RTEL1: variants seen among roughly 807,000 people sequenced by gnomAD.
RTEL1 encodes the protein regulator of telomere elongation helicase 1.
A neutral mutation model predicts 162.2 loss-of-function variants in RTEL1; 86 were observed. That is an observed-to-expected ratio of 0.53 (90% confidence interval 0.45 to 0.63). The LOEUF (loss-of-function observed/expected upper bound fraction) is 0.63, where lower values mean the gene tolerates loss of function less well. RTEL1 is among the 30% of genes least tolerant of loss of function. The pLI, the probability that RTEL1 is intolerant of heterozygous loss-of-function variation, is 0.00. For missense variants in RTEL1, 1,941 were observed against 1,750.2 expected (o/e 1.11, Z -1.95); for synonymous variants, 958 against 717.9 (o/e 1.33, Z -5.35).
rs1291271552 is a variant in RTEL1, at chr20:63,689,664, G to A, written c.2025+16G>A. 1.9e-6 allele frequency: 3 copies of A among 1,609,856 alleles called. No individual in the cohort carries two copies. In the Admixed American group the frequency reaches 5.0e-5, roughly 27 times the overall value. On this transcript the variant is annotated intron_variant, in intron 23 of 34. Transcript: ENST00000360203. ...TGGGGGCCAGGTGAGTTACAGCAGG[G>A]TGGGGCTGGGGTAAGGCGGTCTGGT...
intron 10 of RTEL1, among the ~76,000 whole-genome samples, chr20:63,675,052 C>T (rs577327341): frequency 1.1e-4 from 17 of 152,274 alleles, no homozygotes; most frequent in South Asian, 4.1e-4. Flanking sequence ...GGATCACAGG[C>T]GTGCACCACC....
intron 14 of RTEL1, among the ~76,000 whole-genome samples, chr20:63,684,782 T>A (rs2090554199): frequency 6.6e-6 from 1 of 152,074 alleles, no homozygotes; most frequent in Non-Finnish European, 1.5e-5. Context: ...CTCTTGTTCT[T>A]TTGAAACCTG....
rs544746517 is a variant in RTEL1 at position 63,692,664 on chromosome 20, G to A, written c.2653-141G>A. ...CGCAGCCCCTCCCTATGTCCATCCA[G>A]CCAGCCAGTTTCTCAGGCAGCAGCC... On this transcript the variant is annotated intron_variant, in intron 28 of 34. Transcript: ENST00000360203. 1.0e-5 allele frequency: 8 copies of A among 794,300 alleles called. No homozygotes were observed. The African/African-American group carries it at 1.2e-4, about 12-fold the overall frequency. 49.2% of individuals were successfully genotyped at this position (794,300 alleles called of 1,614,324 possible).
rs1343048746 is a variant in RTEL1, at chr20:63,672,280, G to T, written c.700-276G>T. 2.6e-5 allele frequency among the ~76,000 whole-genome samples: 4 copies of T among 152,196 alleles called. No homozygotes were observed. In the East Asian group the frequency reaches 7.7e-4, roughly 29 times the overall value. On this transcript the variant is annotated intron_variant, in intron 8 of 34. Coordinates refer to ENST00000360203, the MANE Select transcript of RTEL1 (RefSeq NM_001283009.2). The stretch of plus-strand genomic sequence containing the variant: ...TCTGGTCTGTGGCTTCCTGACTGCG[G>T]TGGCCGGGGGCTCCCAGGGCATCGT...
intron 34 of RTEL1, 23 bp from the exon 35 acceptor site, chr20:63,695,755 G>C: frequency 6.3e-7 from 1 of 1,588,652 alleles, no homozygotes; most frequent in South Asian, 1.1e-5. Context: ...GCAGACGTGT[G>C]CAGTGGGCCG....
Position 63,678,227 on chromosome 20 carries a change from C to T in RTEL1, c.959-41C>T, listed in dbSNP as rs757060695. The stretch of plus-strand genomic sequence containing the variant: ...GCCTCCTTGCAGCTGGGTGGGGCCT[C>T]CTCCTTGCGAGGAGGTGGGTGACAC... On this transcript the variant is annotated intron_variant, in intron 11 of 34. Coordinates refer to ENST00000360203, the MANE Select transcript of RTEL1 (RefSeq NM_001283009.2). The T allele has an allele frequency of 3.1e-6, 5 of 1,613,128 alleles. No individual in the cohort carries two copies. The South Asian group carries it at 3.3e-5, about 11-fold the overall frequency.
At position 63,684,888 on chromosome 20, in the gene RTEL1, T is replaced by C. The variant is rs113548943; in HGVS notation, c.1192-635T>C. On this transcript the variant is annotated intron_variant, in intron 14 of 34. Coordinates refer to ENST00000360203, the MANE Select transcript of RTEL1 (RefSeq NM_001283009.2). ...TTGACTAGAATGTGTTGAATTCCTG[T>C]TTTTTTTTTGAGTCAGGGTCTCTCT... Among the ~76,000 whole-genome samples, 1,446 of 146,442 alleles carry C rather than the reference T, an allele frequency of 9.9e-3. 11 individuals carry two copies. The highest frequency in any genetic ancestry group is 0.015 in the Non-Finnish European group (979 of 66,832).
chr20:63,667,042 T>C (rs1419477228), intron 7 of RTEL1, among the ~76,000 whole-genome samples: 1 of 151,032 alleles, frequency 6.6e-6, no homozygotes, highest in Non-Finnish European at 1.5e-5. Flanking sequence ...GGTTTCACCG[T>C]GTTAGCCAGG....
chr20:63,679,727 C>G (rs1601138024), intron 12 of RTEL1, 122 bp from the exon 13 acceptor site: 2 of 760,254 alleles, frequency 2.6e-6, no homozygotes, highest in East Asian at 5.1e-5. Flanking sequence ...TTCTTCTCGG[C>G]AGCTACATCT....
At chr20:63,689,702 G>C in intron 23 of RTEL1, 48 bp from the exon 24 acceptor site, 1 of 1,603,854 alleles carries the variant, frequency 6.2e-7, no homozygotes, top group Non-Finnish European at 8.5e-7. Context: ...CTGAGCCCCC[G>C]CCCCGTGGCC....
At position 63,674,023 on chromosome 20, in the gene RTEL1, G is replaced by C. The variant is rs1278146543; in HGVS notation, c.849G>C (p.Leu283=). Residue 283 remains leucine (L), a synonymous_variant, in exon 10 of 35, where the codon CTG becomes CTC. Coordinates refer to ENST00000360203, the MANE Select transcript of RTEL1 (RefSeq NM_001283009.2). ...GACTGGACGTCATAGACCAGGTGCT[G>C]GAGGAGCAGACCAAGGCAGCGCAGC... ...ASGLDVIDQV[L]EEQTKAAQQG... is the part of the protein sequence containing the mutation. 1.9e-6 allele frequency: 3 copies of C among 1,614,014 alleles called. No homozygotes were observed. Among genetic ancestry groups the C allele is most frequent in the Non-Finnish European group, 1.7e-6 (2 of 1,180,032 alleles).
At chr20:63,679,758 T>A (rs2090444119) in intron 12 of RTEL1, 91 bp from the exon 13 acceptor site, 1 of 970,696 alleles carries the variant, frequency 1.0e-6, no homozygotes, top group East Asian at 2.4e-5. Flanking sequence ...TCGTCCCCCC[T>A]CAGGCCCGAG....
intron 8 of RTEL1, among the ~76,000 whole-genome samples, chr20:63,671,354 C>T (rs987790034): frequency 5.9e-5 from 9 of 152,082 alleles, no homozygotes; most frequent in South Asian, 4.1e-4. Flanking sequence ...CCACCGCACC[C>T]GGCTGGACCT....
intron 8 of RTEL1, among the ~76,000 whole-genome samples, chr20:63,670,646 C>A (rs977367521): frequency 3.3e-5 from 5 of 152,146 alleles, no homozygotes; most frequent in African/African-American, 4.8e-5. Flanking sequence ...ACTCCACAAA[C>A]GTGTGGCAAA....
chr20:63,692,795 T>C lies in RTEL1; in HGVS notation c.2653-10T>C. 1 of 1,607,630 alleles carries C rather than the reference T, an allele frequency of 6.2e-7. No homozygotes were observed. The highest frequency in any genetic ancestry group is 8.5e-7 in the Non-Finnish European group (1 of 1,176,170). On this transcript the variant is annotated splice_polypyrimidine_tract_variant and intron_variant, in intron 28 of 34. Transcript: ENST00000360203. The stretch of plus-strand genomic sequence containing the variant: ...TGGCCCTGATGGAGCCTCGGGCCTG[T>C]GTCCTGCAGGAGGAGCCCGTGGCTG...
chr20:63,694,299 G>GGGCCGGCCCCCCC, intron 30 of RTEL1, 73 bp from the exon 31 acceptor site: 1 of 841,720 alleles, frequency 1.2e-6, no homozygotes. Context: ...TCCCTAGCCA[G>GGGCCGGCCCCCCC]CCCTGCCCCC....
intron 2 of RTEL1, among the ~76,000 whole-genome samples, chr20:63,660,160 C>G (rs542341527): frequency 1.3e-5 from 2 of 152,270 alleles, no homozygotes; most frequent in African/African-American, 4.8e-5. Context: ...GGTTTTATAC[C>G]GAAACATTCA....
rs573894443 is a variant in RTEL1 at position 63,681,438 on chromosome 20, C to G, written c.1191+719C>G. The G allele has an allele frequency of 9.8e-5, 97 of 985,294 alleles. No homozygotes were observed. In the African/African-American group the frequency reaches 1.6e-3, roughly 16 times the overall value. The allele number at this position is 985,294 out of a possible 1,614,324, so 61.0% of individuals were successfully genotyped here. A position where few individuals can be genotyped will look rare whatever the true frequency, so the allele number is the denominator to read the frequency against. On this transcript the variant is annotated intron_variant, in intron 14 of 34. Transcript: ENST00000360203. ...GGTGGCTGTGTGGAGCCCTGTGAGG[C>G]CTCCTCTGTGCTGCCCACGCTGTAC... is the stretch of plus-strand genomic sequence containing the variant.
intron 10 of RTEL1, among the ~76,000 whole-genome samples, chr20:63,677,519 A>G (rs6011027): frequency 0.094 from 14,261 of 152,224 alleles, 2,289 homozygotes; most frequent in African/African-American, 0.33. Flanking sequence ...GGAGACAGAC[A>G]CGAGAATTGC....
Sources: gnomAD v4.1 joint callset for allele counts (sites outside exome capture counted in the v4.1 genomes callset) on GRCh38, gnomAD v4.1.1 for gene constraint, MANE v1.5 for transcripts, NCBI Gene and HGNC (gene_info 2026-07-23, HGNC 2026-07-21) for gene names.